Variants in GOLGA1 observed in about 807,000 individuals in gnomAD.
GOLGA1 encodes the protein golgin A1.
A neutral mutation model predicts 119.7 loss-of-function variants in GOLGA1; 63 were observed. That is an observed-to-expected ratio of 0.53 (90% CI 0.43 to 0.65). The LOEUF is 0.65. Ranked by LOEUF, GOLGA1 falls within the 30% of genes least tolerant of loss-of-function variation. GOLGA1 has a pLI of 0.00. For synonymous variants in GOLGA1, 318 were observed against 333.4 expected, an observed-to-expected ratio of 0.95 and a Z score of 0.50; for missense variants, 798 against 912.8, an observed-to-expected ratio of 0.87 and a Z score of 1.62.
intron 7 of GOLGA1, among the ~76,000 whole-genome samples, chr9:124,924,122 C>T (rs993348313): frequency 7.2e-5 from 11 of 152,168 alleles, no homozygotes; most frequent in African/African-American, 1.9e-4. Flanking sequence ...TCCCAAAGTG[C>T]TGGGATTACA....
chr9:124,936,384 C>CT (rs1830869430), intron 3 of GOLGA1, among the ~76,000 whole-genome samples: 1 of 152,118 alleles, frequency 6.6e-6, no homozygotes, highest in East Asian at 1.9e-4. Context: ...ATTCAAATGT[C>CT]TATCGCCAGG....
chr9:124,904,054 T>A (rs1417129743), intron 12 of GOLGA1, among the ~76,000 whole-genome samples: 1 of 146,316 alleles, frequency 6.8e-6, no homozygotes. Flanking sequence ...GGAGCAAGAC[T>A]CCATCTCAAA....
intron 12 of GOLGA1, among the ~76,000 whole-genome samples, chr9:124,903,259 G>A (rs968770166): frequency 3.3e-5 from 5 of 152,140 alleles, no homozygotes; most frequent in South Asian, 2.1e-4. Context: ...AGGCCAAGAC[G>A]GGTGGATCAC....
At position 124,879,379 on chromosome 9, in the gene GOLGA1, C is replaced by G. The variant is rs1190627619; in HGVS notation, c.*1151G>C. The stretch of plus-strand genomic sequence containing the variant: ...TACTACCAGAGTCATGTGCATGCTA[C>G]AAGTGCTGCAGCCAGCTGGGCGCCG... On this transcript the variant is annotated 3_prime_UTR_variant, in exon 23 of 23. Coordinates refer to ENST00000373555, the MANE Select transcript of GOLGA1 (RefSeq NM_002077.4). 6.6e-6 allele frequency: 1 copy of G among 152,048 alleles called. No homozygotes were observed. Among genetic ancestry groups the G allele is most frequent in the African/African-American group, 2.4e-5 (1 of 41,392 alleles). The allele number at this position is 152,048 out of a possible 1,614,324, so 9.4% of individuals were successfully genotyped here. A position where few individuals can be genotyped will look rare whatever the true frequency, so the allele number is the denominator to read the frequency against.
rs1225262863 is a variant in GOLGA1 at position 124,879,486 on chromosome 9, T to A, written c.*1044A>T. ...CCACAGACAAGGCAGACTGCCCCAG[T>A]GTCTCCATCGAGGCTGGGGGACAGC... On this transcript the variant is annotated 3_prime_UTR_variant, in exon 23 of 23. Coordinates refer to ENST00000373555, the MANE Select transcript of GOLGA1 (RefSeq NM_002077.4). The A allele has an allele frequency of 6.6e-6, 1 of 151,914 alleles. No individual in the cohort carries two copies. Among genetic ancestry groups the A allele is most frequent in the Admixed American group, 6.6e-5 (1 of 15,218 alleles). The allele number at this position is 151,914 out of a possible 1,614,324, so 9.4% of individuals were successfully genotyped here.
At chr9:124,882,634 C>A in intron 19 of GOLGA1, 65 bp from the exon 20 acceptor site, 1 of 1,306,912 alleles carries the variant, frequency 7.7e-7, no homozygotes, top group Non-Finnish European at 1.1e-6. Flanking sequence ...AGGAAACAGA[C>A]CCGAAGATCC....
Position 124,938,878 on chromosome 9 carries a change from A to G in GOLGA1, c.-155-12T>C, listed in dbSNP as rs1830936734. On this transcript the variant is annotated splice_polypyrimidine_tract_variant and intron_variant, in intron 2 of 22. Transcript: ENST00000373555. ...TGGCAACACAGGATCTACAAATCAGATGAAAGAGACAGTTCAAAAGTTAAA... is the reference window on the plus strand; with the variant it reads ...TGGCAACACAGGATCTACAAATCAGGTGAAAGAGACAGTTCAAAAGTTAAA... The G allele has an allele frequency of 3.9e-6, 2 of 510,252 alleles. No homozygotes were observed. Among genetic ancestry groups the G allele is most frequent in the Non-Finnish European group, 6.8e-6 (2 of 292,934 alleles). The allele number at this position is 510,252 out of a possible 1,614,324, so 31.6% of individuals were successfully genotyped here.
intron 2 of GOLGA1, among the ~76,000 whole-genome samples, chr9:124,939,470 T>G (rs1435748638): frequency 6.6e-6 from 1 of 151,816 alleles, no homozygotes; most frequent in Non-Finnish European, 1.5e-5. Context: ...AAGTATCTGA[T>G]ATCCTTGAAC....
intron 10 of GOLGA1, among the ~76,000 whole-genome samples, chr9:124,916,617 T>C (rs1209319851): frequency 6.6e-6 from 1 of 152,154 alleles, no homozygotes; most frequent in African/African-American, 2.4e-5. Context: ...CTCATGCCTG[T>C]AATCCCAGGA....
At position 124,881,853 on chromosome 9, in the gene GOLGA1, A is replaced by T. The variant is rs1829591306; in HGVS notation, c.2067T>A (p.Asp689Glu). 1 of 1,613,068 alleles carries T rather than the reference A, an allele frequency of 6.2e-7. No homozygotes were observed. Among genetic ancestry groups the T allele is most frequent in the South Asian group, 1.1e-5 (1 of 91,006 alleles). Residue 689 changes from aspartate (D) to glutamate (E), a missense_variant, in exon 21 of 23, where the codon GAT becomes GAA. Physicochemically the swap from Asp to Glu is conservative, Grantham distance 45. Transcript: ENST00000373555. This position sits in a 1 kb window ranked among gnomAD's most constrained non-coding sequence, Gnocchi z 4.9. ...GGTACTCAAAGTTGATCTCGCGGGC[A>T]TCTGTCAGGTCAGTGTTATTCGTGA... The part of the protein sequence containing the change: ...PSVTNNTDLT[D>E]AREINFEYLK...
At chr9:124,919,614 A>C (rs1198389274) in intron 10 of GOLGA1, among the ~76,000 whole-genome samples, 1 of 152,378 alleles carries the variant, frequency 6.6e-6, no homozygotes, top group East Asian at 1.9e-4. Flanking sequence ...AGGTATCTGT[A>C]AGTATGATAA....
At position 124,881,080 on chromosome 9, in the gene GOLGA1, C is replaced by T. The variant is rs1023605361; in HGVS notation, c.2223+91G>A. ...ATGCAGCTGTGCTGGTGCCTACACT[C>T]GGGTGTGGGTCTAAGGGGTCTTACA... is the stretch of plus-strand genomic sequence containing the variant. On this transcript the variant is annotated intron_variant, in intron 22 of 22. Transcript: ENST00000373555. This position sits in a 1 kb window ranked among gnomAD's most constrained non-coding sequence, Gnocchi z 4.9. 17 of 775,676 alleles carry T rather than the reference C, an allele frequency of 2.2e-5. No individual in the cohort carries two copies. The highest frequency in any genetic ancestry group is 3.4e-5 in the African/African-American group (2 of 58,600). The allele number at this position is 775,676 out of a possible 1,614,324, so 48.0% of individuals were successfully genotyped here.
Position 124,879,370 on chromosome 9 carries a change from TGCATGCTAC to T in GOLGA1, c.*1151_*1159del, listed in dbSNP as rs1829519496. 6.6e-6 allele frequency: 1 copy of T among 152,136 alleles called. No homozygotes were observed. The highest frequency in any genetic ancestry group is 1.5e-5 in the Non-Finnish European group (1 of 68,036). The allele number at this position is 152,136 out of a possible 1,614,324, so 9.4% of individuals were successfully genotyped here. A position where few individuals can be genotyped will look rare whatever the true frequency, so the allele number is the denominator to read the frequency against. ...TTTGTTGGTTACTACCAGAGTCATG[TGCATGCTAC>T]AAGTGCTGCAGCCAGCTGGGCGCCG... On this transcript the variant is annotated 3_prime_UTR_variant, in exon 23 of 23. Transcript: ENST00000373555.
chr9:124,939,478 A>G (rs1167223450), intron 2 of GOLGA1, among the ~76,000 whole-genome samples: 1 of 151,600 alleles, frequency 6.6e-6, no homozygotes, highest in Non-Finnish European at 1.5e-5. Context: ...GATATCCTTG[A>G]ACATTTTCTA....
intron 15 of GOLGA1, among the ~76,000 whole-genome samples, chr9:124,891,872 T>C (rs1396576975): frequency 6.6e-6 from 1 of 152,154 alleles, no homozygotes; most frequent in Non-Finnish European, 1.5e-5. Context: ...CTCAAACTCC[T>C]GACCTTAGGT....
Position 124,900,552 on chromosome 9 carries a change from G to A in GOLGA1, c.1066-5C>T. On this transcript the variant is annotated splice_polypyrimidine_tract_variant and splice_region_variant and intron_variant, in intron 12 of 22. Transcript: ENST00000373555. ...GGTCTGCTCCAGTTCTCTCACCTGAGAGGGAAGCAGAAGCATTCTTTCTGT... is the reference window on the plus strand; with the variant it reads ...GGTCTGCTCCAGTTCTCTCACCTGAAAGGGAAGCAGAAGCATTCTTTCTGT... 1 of 1,436,026 alleles carries A rather than the reference G, an allele frequency of 7.0e-7. No homozygotes were observed. The highest frequency in any genetic ancestry group is 9.8e-7 in the Non-Finnish European group (1 of 1,021,542). 89.0% of individuals were successfully genotyped at this position (1,436,026 alleles called of 1,614,324 possible).
chr9:124,917,949 T>G (rs1158238524), intron 10 of GOLGA1, among the ~76,000 whole-genome samples: 1 of 151,922 alleles, frequency 6.6e-6, no homozygotes, highest in Non-Finnish European at 1.5e-5. Context: ...ACCTCCTGGG[T>G]TCAAGCGATT....
chr9:124,941,951 TAAAC>T (rs1211627165), upstream of GOLGA1, among the ~76,000 whole-genome samples: 1 of 151,874 alleles, frequency 6.6e-6, no homozygotes, highest in Non-Finnish European at 1.5e-5. Flanking sequence ...AGTAGGAAAA[TAAAC>T]AAAAGAGGAA....
At chr9:124,929,333 A>G in intron 4 of GOLGA1, 43 bp from the exon 5 acceptor site, 1 of 1,181,354 alleles carries the variant, frequency 8.5e-7, no homozygotes, top group Non-Finnish European at 1.3e-6. Context: ...ATGGACAAAC[A>G]TCAGGAAAGG....
Sources: gnomAD v4.1 joint callset for allele counts (sites outside exome capture counted in the v4.1 genomes callset) on GRCh38, gnomAD v4.1.1 for gene constraint, Gnocchi (gnomAD v3.1) non-coding constraint, MANE v1.5 for transcripts, NCBI Gene and HGNC (gene_info 2026-07-23, HGNC 2026-07-21) for gene names.